The following LRRC56 variants were observed in gnomAD, a reference collection of about 807,000 sequenced individuals.
LRRC56 encodes the protein leucine-rich repeat-containing protein 56.
A neutral mutation model predicts 47.8 loss-of-function variants in LRRC56; 41 were observed. The ratio of observed to expected loss-of-function variants is 0.86; its 90% confidence interval spans 0.67 to 1.11. The LOEUF is 1.11. LRRC56 is among the 50% of genes most tolerant of loss of function. LRRC56 has a pLI of 0.00. For synonymous variants in LRRC56, 387 were observed against 311.2 expected (o/e 1.24, Z -2.56); for missense variants, 759 against 704.2 (o/e 1.08, Z -0.88).
the LRRC56 span, among the ~76,000 whole-genome samples, chr11:509,606 G>A: frequency 6.6e-6 from 1 of 152,108 alleles, no homozygotes; most frequent in African/African-American, 2.4e-5. Flanking sequence ...GGAGTGCAGT[G>A]GCGCGATCTC....
chr11:554,102 G>T lies in LRRC56; in HGVS notation c.1455G>T (p.Trp485Cys). 6.2e-7 allele frequency: 1 copy of T among 1,607,166 alleles called. No homozygotes were observed. The highest frequency in any genetic ancestry group is 8.5e-7 in the Non-Finnish European group (1 of 1,178,536). Residue 485 changes from tryptophan (W) to cysteine (C), a missense_variant, in exon 14 of 14, where the codon TGG (tryptophan) becomes TGT (cysteine). By Grantham distance (215) the Trp-to-Cys change is radical. Coordinates refer to ENST00000270115, the MANE Select transcript of LRRC56 (RefSeq NM_198075.4). Reference protein sequence around the residue: ...RGRRLRVLGSWGPGLGDGVAA... With the variant: ...RGRRLRVLGSCGPGLGDGVAA... ...GTCGGCTCCGAGTCCTGGGCAGCTG[G>T]GGGCCTGGCCTGGGTGATGGGGTGG...
rs202112560 is a variant in LRRC56, at chr11:550,089, C to T, written c.441C>T (p.Tyr147=). 96 of 1,612,426 alleles carry T rather than the reference C, an allele frequency of 6.0e-5. No individual in the cohort carries two copies. Among genetic ancestry groups the T allele is most frequent in the Non-Finnish European group, 8.0e-5 (94 of 1,179,300 alleles). Residue 147 remains tyrosine, a synonymous_variant, in exon 8 of 14, where the codon TAC becomes TAT. Transcript: ENST00000270115. Reference sequence around the variant, plus strand: ...CTGCCCAGGAACTCTACGCCTCCTACAACAACATCTCGGACCTGAGCCCAC... The same window carrying T: ...CTGCCCAGGAACTCTACGCCTCCTATAACAACATCTCGGACCTGAGCCCAC... The part of the protein sequence containing the change: ...LPALKELYAS[Y]NNISDLSPLC...
Position 549,896 on chromosome 11 carries a change from C to G in LRRC56, c.327-6C>G. The G allele has an allele frequency of 6.2e-7, 1 of 1,611,580 alleles. No individual in the cohort carries two copies. Among genetic ancestry groups the G allele is most frequent in the Non-Finnish European group, 8.5e-7 (1 of 1,178,746 alleles). On this transcript the variant is annotated splice_region_variant and splice_polypyrimidine_tract_variant and intron_variant, in intron 6 of 13. Transcript: ENST00000270115. Reference sequence around the variant, plus strand: ...CATGTTGACCACCAAACCCTGCCTTCTGCAGGGACTTGGGCACGTCTCTGG... The same window carrying G: ...CATGTTGACCACCAAACCCTGCCTTGTGCAGGGACTTGGGCACGTCTCTGG...
the LRRC56 span, among the ~76,000 whole-genome samples, chr11:508,226 C>T: frequency 6.6e-6 from 1 of 152,302 alleles, no homozygotes; most frequent in East Asian, 1.9e-4. Flanking sequence ...ACTGCAGTGG[C>T]GCGATCCCAG....
intron 6 of LRRC56, among the ~76,000 whole-genome samples, chr11:549,351 T>C (rs1013661422): frequency 1.3e-5 from 2 of 151,796 alleles, no homozygotes; most frequent in Non-Finnish European, 2.9e-5. Context: ...GTGAAGTCAC[T>C]GTGGCTACAG....
At chr11:509,578 C>G in the LRRC56 span, among the ~76,000 whole-genome samples, 1 of 152,114 alleles carries the variant, frequency 6.6e-6, no homozygotes, top group Admixed American at 6.5e-5. Context: ...GATGGAGTCT[C>G]GCTCTGTCGC....
chr11:535,921 C>T (rs1851470218), upstream of LRRC56, among the ~76,000 whole-genome samples: 1 of 152,132 alleles, frequency 6.6e-6, no homozygotes, highest in Non-Finnish European at 1.5e-5. Flanking sequence ...AGAGGCCCTC[C>T]CTGCGCCGGC....
chr11:514,716 T>C, the LRRC56 span, among the ~76,000 whole-genome samples: 1 of 152,308 alleles, frequency 6.6e-6, no homozygotes, highest in African/African-American at 2.4e-5. Flanking sequence ...AAACATAATG[T>C]TATTGCACAC....
At chr11:553,258 C>A (rs913159144) in intron 13 of LRRC56, among the ~76,000 whole-genome samples, 1 of 152,240 alleles carries the variant, frequency 6.6e-6, no homozygotes, top group Non-Finnish European at 1.5e-5. Context: ...AGAGAGGACC[C>A]TCCCTCAGCG....
rs949268756 is a variant in LRRC56, at chr11:551,156, C to T, written c.650C>T (p.Ala217Val). Residue 217 changes from alanine (A) to valine (V), a missense_variant, in exon 9 of 14, where the codon GCA becomes GTA. By Grantham distance (64) the Ala-to-Val change is moderately conservative (BLOSUM62 0). Transcript: ENST00000270115. ...NKVPRGYNYRAEVRKLIPQLQ... is the reference protein window; with the variant it reads ...NKVPRGYNYRVEVRKLIPQLQ... ...GTGCCCAGGGGCTACAACTACAGGG[C>T]AGAGGTGAGGAAGCTCATTCCCCAG... 4.3e-5 allele frequency: 66 copies of T among 1,533,134 alleles called. No homozygotes were observed. The highest frequency in any genetic ancestry group is 5.6e-5 in the Non-Finnish European group (64 of 1,136,476). 95.0% of individuals were successfully genotyped at this position (1,533,134 alleles called of 1,614,324 possible).
At chr11:540,645 G>A (rs1204450089) in intron 3 of LRRC56, 29 bp from the exon 4 acceptor site, 4 of 1,593,900 alleles carry the variant, frequency 2.5e-6, no homozygotes, top group Non-Finnish European at 3.4e-6. Flanking sequence ...GCAACAGCGT[G>A]GAGCTTTGCA....
chr11:553,282 G>A (rs979426907), intron 13 of LRRC56, among the ~76,000 whole-genome samples: 1 of 152,230 alleles, frequency 6.6e-6, no homozygotes, highest in Non-Finnish European at 1.5e-5. Flanking sequence ...AGGCAGGCCG[G>A]GCAGGGGGCA....
chr11:526,385 G>A, the LRRC56 span, among the ~76,000 whole-genome samples: 55 of 152,074 alleles, frequency 3.6e-4, no homozygotes, highest in African/African-American at 1.3e-3. Flanking sequence ...AATCACGGGC[G>A]ACAGGACTCC....
chr11:523,934 GAAT>G, the LRRC56 span, among the ~76,000 whole-genome samples: 1 of 151,760 alleles, frequency 6.6e-6, no homozygotes, highest in Non-Finnish European at 1.5e-5. Flanking sequence ...TCTCAAAAAA[GAAT>G]AATAAACAAA....
At chr11:531,774 G>A in the LRRC56 span, among the ~76,000 whole-genome samples, 3 of 152,244 alleles carry the variant, frequency 2.0e-5, no homozygotes, top group Non-Finnish European at 4.4e-5. Flanking sequence ...TCCACAGACC[G>A]CTTCAGGCCA....
At chr11:543,748 C>T (rs917929217) in intron 5 of LRRC56, among the ~76,000 whole-genome samples, 2 of 150,320 alleles carry the variant, frequency 1.3e-5, no homozygotes, top group Non-Finnish European at 3.0e-5. Context: ...CTCTGCGCCC[C>T]TTCTTTTATT....
At chr11:526,085 T>C in the LRRC56 span, among the ~76,000 whole-genome samples, 4 of 151,856 alleles carry the variant, frequency 2.6e-5, no homozygotes, top group Admixed American at 6.6e-5. Context: ...CAGGTGCCTG[T>C]AGTCCCAGCT....
intron 4 of LRRC56, 89 bp downstream of exon 4, chr11:540,950 T>G: frequency 9.1e-7 from 1 of 1,103,220 alleles, no homozygotes; most frequent in Non-Finnish European, 1.3e-6. Flanking sequence ...CAGCCTGCCC[T>G]CTGTCCCCCT....
At chr11:548,152 A>G (rs1463986372) in intron 6 of LRRC56, among the ~76,000 whole-genome samples, 4 of 152,206 alleles carry the variant, frequency 2.6e-5, no homozygotes, top group Non-Finnish European at 5.9e-5. Flanking sequence ...AAAAATTTCA[A>G]AGGAACTTGT....
Sources: gnomAD v4.1 joint callset for allele counts (sites outside exome capture counted in the v4.1 genomes callset) on GRCh38, gnomAD v4.1.1 for gene constraint, MANE v1.5 for transcripts, NCBI Gene and HGNC (gene_info 2026-07-23, HGNC 2026-07-21) for gene names.